The following CC2D2A variants were observed in gnomAD, a reference collection of about 807,000 sequenced individuals.
CC2D2A encodes the protein coiled-coil and C2 domain-containing protein 2A.
Under a neutral mutation model 212.9 loss-of-function variants are expected in CC2D2A, and 155 were observed. The ratio of observed to expected loss-of-function variants is 0.73; its 90% CI spans 0.64 to 0.83. CC2D2A has a LOEUF of 0.83. Among genes scored for constraint, CC2D2A ranks in the 40% least tolerant of loss-of-function variants. CC2D2A has a pLI of 0.00. For synonymous variants in CC2D2A, 667 were observed against 686.5 expected (o/e 0.97, Z 0.44); for missense variants, 1,856 against 1,956.2 (o/e 0.95, Z 0.97).
intron 33 of CC2D2A, among the ~76,000 whole-genome samples, chr4:15,593,657 G>T (rs1190998045): frequency 6.6e-6 from 1 of 152,052 alleles, no homozygotes; most frequent in Non-Finnish European, 1.5e-5. Context: ...TCATCAGTCG[G>T]TTTTTTGGCC....
At chr4:15,472,480 T>C (rs1167719790) in intron 1 of CC2D2A, among the ~76,000 whole-genome samples, 2 of 152,180 alleles carry the variant, frequency 1.3e-5, no homozygotes, top group Non-Finnish European at 2.9e-5. Context: ...TAAATTTCGG[T>C]GTCATTTGAT....
At chr4:15,506,207 C>A (rs534021928) in intron 6 of CC2D2A, among the ~76,000 whole-genome samples, 1 of 152,148 alleles carries the variant, frequency 6.6e-6, no homozygotes, top group East Asian at 1.9e-4. Context: ...ATGCTCAATC[C>A]TTTTAAGTAT....
intron 9 of CC2D2A, among the ~76,000 whole-genome samples, 192 bp from the exon 10 acceptor site, chr4:15,515,676 C>A (rs1371967917): frequency 6.6e-6 from 1 of 152,170 alleles, no homozygotes; most frequent in Non-Finnish European, 1.5e-5. Flanking sequence ...TCTTTAAATA[C>A]CTGATTCTAC....
chr4:15,533,239 T>C lies in CC2D2A; in HGVS notation c.1513T>C (p.Leu505=). The change falls in exon 14 of 37, where the codon TTG becomes CTG. Residue 505 remains leucine (L), a synonymous_variant. Transcript: ENST00000424120. The stretch of plus-strand genomic sequence containing the variant: ...TGCTGAACAAGAAAAAGATAGAACA[T>C]TGCTTAAGACTATCATAAAAGTTTG... ...RDAEQEKDRT[L]LKTIIKVWKE... 2 of 1,598,416 alleles carry C rather than the reference T, an allele frequency of 1.3e-6. No individual in the cohort carries two copies. The highest frequency in any genetic ancestry group is 1.7e-6 in the Non-Finnish European group (2 of 1,175,498).
chr4:15,594,945 A>G (rs1190108900), intron 33 of CC2D2A, among the ~76,000 whole-genome samples: 1 of 151,772 alleles, frequency 6.6e-6, no homozygotes, highest in African/African-American at 2.4e-5. Context: ...GGACTATAGG[A>G]ACACACCACC....
In CC2D2A at chr4:15,563,363, G is replaced by A. The variant is rs1271219414; in HGVS notation, c.3023G>A (p.Gly1008Asp). 6.2e-7 allele frequency: 1 copy of A among 1,601,758 alleles called. No homozygotes were observed. Among genetic ancestry groups the A allele is most frequent in the South Asian group, 1.1e-5 (1 of 88,974 alleles). ...TGTTCTGTAATCATTAGCATTTTGG[G>A]CCTAAGCCTTTTCAAGCTGGCAGAA... is the stretch of plus-strand genomic sequence containing the variant. ...EEEVPNISIL[G>D]LSLFKLAEQK... Residue 1008 changes from glycine (G) to aspartate (D), a missense_variant, in exon 24 of 37, where the codon GGC becomes GAC. Coordinates refer to ENST00000424120, the MANE Select transcript of CC2D2A (RefSeq NM_001378615.1).
intron 11 of CC2D2A, among the ~76,000 whole-genome samples, chr4:15,519,010 T>A (rs1399928240): frequency 1.3e-5 from 2 of 152,212 alleles, no homozygotes; most frequent in East Asian, 3.8e-4. Flanking sequence ...TTATGCAAAT[T>A]TCTACAGCCG....
intron 4 of CC2D2A, among the ~76,000 whole-genome samples, chr4:15,486,286 G>C (rs892664268): frequency 1.3e-5 from 2 of 151,900 alleles, no homozygotes; most frequent in Non-Finnish European, 2.9e-5. Flanking sequence ...TCAGGTCCTG[G>C]GCTTTTCTTT....
At chr4:15,576,117 A>C (rs1294077878) in intron 29 of CC2D2A, among the ~76,000 whole-genome samples, 2 of 152,260 alleles carry the variant, frequency 1.3e-5, no homozygotes, top group South Asian at 2.1e-4. Flanking sequence ...TCACTACCGC[A>C]CTGTGGCTGT....
chr4:15,489,101 T>C (rs894711318), intron 4 of CC2D2A, among the ~76,000 whole-genome samples: 1 of 152,246 alleles, frequency 6.6e-6, no homozygotes, highest in Non-Finnish European at 1.5e-5. Flanking sequence ...TTTCCATTCA[T>C]TCATGTTAGT....
chr4:15,545,777 G>A (rs1197049029), intron 17 of CC2D2A, among the ~76,000 whole-genome samples: 1 of 152,054 alleles, frequency 6.6e-6, no homozygotes, highest in Non-Finnish European at 1.5e-5. Context: ...AATCCACAGA[G>A]CTTGATGACA....
intron 4 of CC2D2A, among the ~76,000 whole-genome samples, chr4:15,489,774 C>T (rs553192836): frequency 6.6e-6 from 1 of 152,256 alleles, no homozygotes; most frequent in South Asian, 2.1e-4. Context: ...AGTTCTTAGT[C>T]TTTATCTTAC....
At chr4:15,572,315 C>T (rs1312233240) in intron 28 of CC2D2A, among the ~76,000 whole-genome samples, 1 of 152,148 alleles carries the variant, frequency 6.6e-6, no homozygotes, top group Non-Finnish European at 1.5e-5. Context: ...TCAACTTGTA[C>T]TGGCTTTCAA....
At chr4:15,560,433 G>A (rs1188281652) in intron 22 of CC2D2A, 98 bp from the exon 23 acceptor site, 11 of 625,290 alleles carry the variant, frequency 1.8e-5, no homozygotes, top group Admixed American at 2.9e-5. Context: ...AGGACTGGGG[G>A]GACACTGAGA....
rs778858648 is a variant in CC2D2A, at chr4:15,599,632, T to G, written c.4600T>G (p.Leu1534Val). 2 of 1,613,480 alleles carry G rather than the reference T, an allele frequency of 1.2e-6. No individual in the cohort carries two copies. The highest frequency in any genetic ancestry group is 2.7e-5 in the African/African-American group (2 of 74,886). Residue 1534 changes from leucine to valine, a missense_variant, in exon 36 of 37, where the codon TTA becomes GTA. Coordinates refer to ENST00000424120, the MANE Select transcript of CC2D2A (RefSeq NM_001378615.1). ...TACTCTGCGTCACTTCTTGCCTCTG[T>G]TAGAAAAAAGTCAAGGAGAAGATGT... ...TSTLRHFLPL[L>V]EKSQGEDVED...
chr4:15,563,402 T>C lies in CC2D2A; in HGVS notation c.3062T>C (p.Leu1021Pro), dbSNP rs1406696636. Residue 1021 changes from leucine to proline, a missense_variant, in exon 24 of 37, where the codon CTG (leucine) becomes CCG (proline). Physicochemically the swap from Leu to Pro is moderately conservative, Grantham distance 98. Transcript: ENST00000424120. ...AAGCTGGCAGAACAAAAGCGACCAC[T>C]GCGGCCAAGGAGAAAAGGTCGGAAG... ...LFKLAEQKRP[L>P]RPRRKGRKKV... 1 of 1,608,176 alleles carries C rather than the reference T, an allele frequency of 6.2e-7. No homozygotes were observed. Among genetic ancestry groups the C allele is most frequent in the Non-Finnish European group, 8.5e-7 (1 of 1,177,128 alleles).
chr4:15,547,025 T>A, intron 17 of CC2D2A, among the ~76,000 whole-genome samples: 1 of 152,164 alleles, frequency 6.6e-6, no homozygotes, highest in East Asian at 1.9e-4. Context: ...AAAAAAAATC[T>A]TCCTTGCTTT....
chr4:15,587,778 T>C (rs370816997), intron 31 of CC2D2A, 38 bp from the exon 32 acceptor site: 59 of 1,089,346 alleles, frequency 5.4e-5, no homozygotes, highest in Middle Eastern at 2.0e-4. Context: ...GAATAAAGCA[T>C]TGAGTCATAC....
chr4:15,553,132 T>C, intron 18 of CC2D2A, 26 bp from the exon 19 acceptor site: 1 of 1,565,326 alleles, frequency 6.4e-7, no homozygotes, highest in Non-Finnish European at 8.6e-7. Context: ...CTAAACAGCA[T>C]CCTGTTTAAT....
Sources: allele counts gnomAD v4.1 joint callset (sites outside exome capture counted in the v4.1 genomes callset), GRCh38; gene constraint gnomAD v4.1.1; transcripts MANE v1.5; gene names NCBI Gene and HGNC (gene_info 2026-07-23, HGNC 2026-07-21).